Variants in RASSF6 observed in about 807,000 individuals in gnomAD.
The protein encoded by RASSF6 is Ras association domain family member 6, also known as ras association domain-containing protein 6.
Under a neutral mutation model 44.0 loss-of-function variants are expected in RASSF6, and 52 were observed. That is an observed-to-expected ratio of 1.18 (90% CI 0.95 to 1.49). RASSF6 has a LOEUF of 1.49. Among genes scored for constraint, RASSF6 ranks in the 40% most tolerant of loss-of-function variants. The pLI is 0.00. For synonymous variants in RASSF6, 162 were observed against 124.6 expected, an observed-to-expected ratio of 1.30 and a Z score of -2.00; for missense variants, 464 against 393.3, an observed-to-expected ratio of 1.18 and a Z score of -1.52.
intron 4 of RASSF6, among the ~76,000 whole-genome samples, chr4:73,593,233 C>G (rs1724697760): frequency 6.6e-6 from 1 of 152,082 alleles, no homozygotes; most frequent in Non-Finnish European, 1.5e-5. Flanking sequence ...CCAGGCTGGT[C>G]TCGAACTCCT....
Position 73,576,278 on chromosome 4 carries a change from C to T in RASSF6, c.971G>A (p.Cys324Tyr). Residue 324 changes from cysteine to tyrosine, a missense_variant, in exon 11 of 11, where the codon TGT (cysteine) becomes TAT (tyrosine). Cys to Tyr is a radical substitution (Grantham distance 194). Transcript: ENST00000307439. ...TTTTATTACTAGTTTATTTTGAAGA[C>T]ATTTCAGTATAATCGCCTTTTCTTT... ...FNKEKAIILK[C>Y]LQNKLVIKTE... 6.4e-7 allele frequency: 1 copy of T among 1,562,188 alleles called. No individual in the cohort carries two copies. Among genetic ancestry groups the T allele is most frequent in the Non-Finnish European group, 8.8e-7 (1 of 1,136,862 alleles).
Position 73,582,188 on chromosome 4 carries a change from C to T in RASSF6, c.669+1G>A. On this transcript the variant is annotated splice_donor_variant, in intron 7 of 10. Transcript: ENST00000307439. LOFTEE classifies it high-confidence loss of function. ...TAGCTCAGTTAAGTGATAAAGGTTA[C>T]CTTAAATTTTTGGAGAAGTTGCTTT... 7.0e-7 allele frequency: 1 copy of T among 1,424,656 alleles called. No homozygotes were observed. Among genetic ancestry groups the T allele is most frequent in the South Asian group, 1.2e-5 (1 of 80,758 alleles). 88.3% of individuals were successfully genotyped at this position (1,424,656 alleles called of 1,614,324 possible).
intron 4 of RASSF6, among the ~76,000 whole-genome samples, chr4:73,590,059 C>T (rs553482433): frequency 3.9e-5 from 6 of 152,168 alleles, no homozygotes; most frequent in Non-Finnish European, 8.8e-5. Context: ...CATAAGCAAA[C>T]ACAACCTTAA....
intron 8 of RASSF6, among the ~76,000 whole-genome samples, chr4:73,580,954 T>G (rs920520533): frequency 1.1e-4 from 16 of 151,300 alleles, no homozygotes; most frequent in East Asian, 7.8e-4. Flanking sequence ...TGCCCATGCC[T>G]ATGTCCTGAA....
At chr4:73,592,730 A>G (rs1247641) in intron 4 of RASSF6, among the ~76,000 whole-genome samples, 151,829 of 152,328 alleles carry the variant, frequency 1, 75,667 homozygotes, top group Middle Eastern at 1. Context: ...TAGAAAGCAC[A>G]ATGAGCCCTT....
chr4:73,578,950 C>A (rs1297022089), intron 8 of RASSF6, among the ~76,000 whole-genome samples: 7 of 152,184 alleles, frequency 4.6e-5, no homozygotes, highest in African/African-American at 1.4e-4. Flanking sequence ...TCCCCAATCC[C>A]CCACCAGGTA....
chr4:73,609,003 C>T lies in RASSF6; in HGVS notation c.65+2728G>A, dbSNP rs542465291. Among the ~76,000 whole-genome samples, 13 of 152,304 alleles carry T rather than the reference C, an allele frequency of 8.5e-5. No homozygotes were observed. In the South Asian group the frequency reaches 2.7e-3, roughly 32 times the overall value. ...AAAAGAAACTGTTTGGAATAATGCA[C>T]TTTCTGCTAAAATTTATTACATCAT... On this transcript the variant is annotated intron_variant, in intron 2 of 10. Coordinates refer to ENST00000307439, the MANE Select transcript of RASSF6 (RefSeq NM_177532.5).
chr4:73,602,821 G>T (rs766166545), intron 2 of RASSF6, among the ~76,000 whole-genome samples: 1 of 152,212 alleles, frequency 6.6e-6, no homozygotes, highest in Non-Finnish European at 1.5e-5. Context: ...AGGCGCGGTG[G>T]CTCATGCCTG....
intron 8 of RASSF6, among the ~76,000 whole-genome samples, chr4:73,578,573 A>G (rs1353797642): frequency 6.6e-6 from 1 of 152,066 alleles, no homozygotes; most frequent in Non-Finnish European, 1.5e-5. Flanking sequence ...CTCATAATAC[A>G]TAAAGGTAAT....
chr4:73,609,423 C>T (rs1725862769), intron 2 of RASSF6, among the ~76,000 whole-genome samples: 1 of 152,134 alleles, frequency 6.6e-6, no homozygotes, highest in East Asian at 1.9e-4. Flanking sequence ...TGTGCCAATA[C>T]CCTTTGAACA....
At chr4:73,612,285 G>T (rs1726065911) in intron 1 of RASSF6, among the ~76,000 whole-genome samples, 1 of 151,982 alleles carries the variant, frequency 6.6e-6, no homozygotes, top group African/African-American at 2.4e-5. Context: ...TGGAAACTGT[G>T]GTCAGATGTG....
At chr4:73,609,886 A>G (rs1224014534) in intron 2 of RASSF6, among the ~76,000 whole-genome samples, 1 of 152,120 alleles carries the variant, frequency 6.6e-6, no homozygotes, top group Non-Finnish European at 1.5e-5. Flanking sequence ...CAGAACTTTA[A>G]TCCTTTCCTA....
intron 2 of RASSF6, among the ~76,000 whole-genome samples, chr4:73,599,344 C>G (rs1253179278): frequency 6.6e-6 from 1 of 152,202 alleles, no homozygotes; most frequent in African/African-American, 2.4e-5. Context: ...TCTCTCCTGG[C>G]CTGCCCCACA....
At chr4:73,607,286 C>T (rs950329858) in intron 2 of RASSF6, among the ~76,000 whole-genome samples, 2 of 152,194 alleles carry the variant, frequency 1.3e-5, no homozygotes, top group Non-Finnish European at 2.9e-5. Flanking sequence ...CTCTCTCCTG[C>T]CTTCCTCTTC....
chr4:73,589,438 G>A (rs1724356413), intron 4 of RASSF6, among the ~76,000 whole-genome samples: 2 of 151,994 alleles, frequency 1.3e-5, no homozygotes, highest in Non-Finnish European at 2.9e-5. Context: ...AAAATGCAAA[G>A]TAACCTGATG....
At chr4:73,579,684 A>G (rs1019236007) in intron 8 of RASSF6, among the ~76,000 whole-genome samples, 2 of 151,814 alleles carry the variant, frequency 1.3e-5, no homozygotes, top group African/African-American at 4.8e-5. Context: ...ATAGTTATTA[A>G]TCTTTGGAGT....
intron 6 of RASSF6, 113 bp downstream of exon 6, chr4:73,585,067 G>C (rs185723789): frequency 2.9e-6 from 2 of 680,548 alleles, no homozygotes; most frequent in Non-Finnish European, 4.8e-6. Context: ...CAAGATGTTA[G>C]ACATGCTACT....
chr4:73,603,511 C>A (rs535335913), intron 2 of RASSF6, among the ~76,000 whole-genome samples: 160 of 151,862 alleles, frequency 1.1e-3, no homozygotes, highest in African/African-American at 3.7e-3. Context: ...GAGGGGATCC[C>A]AGGGTCCTGT....
chr4:73,615,939 A>G, intron 1 of RASSF6: 1 of 1,549,880 alleles, frequency 6.5e-7, no homozygotes, highest in Non-Finnish European at 8.7e-7. Flanking sequence ...AGTGAATTCT[A>G]GTACAAATTA....
Sources: gnomAD v4.1 joint callset for allele counts (sites outside exome capture counted in the v4.1 genomes callset) on GRCh38, gnomAD v4.1.1 for gene constraint, MANE v1.5 for transcripts, NCBI Gene and HGNC (gene_info 2026-07-23, HGNC 2026-07-21) for gene names.